SCHIP1: variants seen among roughly 807,000 people sequenced by gnomAD.
SCHIP1 encodes schwannomin interacting protein 1.
In SCHIP1, 8 loss-of-function variants were observed where a neutral mutation model predicts 29.7. The observed-to-expected ratio is 0.27, with a 90% CI of 0.16 to 0.49. SCHIP1 has a LOEUF of 0.49. Among genes scored for constraint, SCHIP1 ranks in the 20% least tolerant of loss-of-function variants. The pLI is 0.99. For missense variants in SCHIP1, 193 were observed against 294.6 expected (o/e 0.66, Z 2.52); for synonymous variants, 76 against 94.9 (o/e 0.80, Z 1.16).
chr3:159,694,604 G>T, the SCHIP1 span, among the ~76,000 whole-genome samples: 11 of 134,702 alleles, frequency 8.2e-5, no homozygotes, highest in South Asian at 7.1e-4. Flanking sequence ...AAGAAAGAAA[G>T]AAAGGAATTA....
the SCHIP1 span, among the ~76,000 whole-genome samples, chr3:159,787,488 G>A: frequency 9.2e-5 from 14 of 152,312 alleles, no homozygotes; most frequent in Non-Finnish European, 1.6e-4. Flanking sequence ...CTTAGTGAGC[G>A]GAATGGATTC....
chr3:159,398,026 G>A, the SCHIP1 span, among the ~76,000 whole-genome samples: 1 of 152,176 alleles, frequency 6.6e-6, no homozygotes, highest in African/African-American at 2.4e-5. Context: ...ATAATCTCCT[G>A]GTGTGCTGTT....
chr3:159,877,875 T>C (rs1255547451), intron 2 of SCHIP1, among the ~76,000 whole-genome samples: 1 of 152,186 alleles, frequency 6.6e-6, no homozygotes, highest in East Asian at 1.9e-4. Context: ...ATCAATTACG[T>C]TAGAGTCTGT....
At chr3:159,621,302 T>C in the SCHIP1 span, among the ~76,000 whole-genome samples, 1 of 152,200 alleles carries the variant, frequency 6.6e-6, no homozygotes, top group Non-Finnish European at 1.5e-5. Flanking sequence ...GTAAGTACCA[T>C]AATGGGAGGA....
At chr3:159,376,721 G>T in the SCHIP1 span, among the ~76,000 whole-genome samples, 2 of 152,104 alleles carry the variant, frequency 1.3e-5, no homozygotes, top group African/African-American at 4.8e-5. Flanking sequence ...TCTCAGGCCT[G>T]TCCTACTCCA....
At chr3:159,292,946 C>T in the SCHIP1 span, among the ~76,000 whole-genome samples, 1 of 152,024 alleles carries the variant, frequency 6.6e-6, no homozygotes, top group African/African-American at 2.4e-5. Context: ...TATAGCTACC[C>T]CCTTGTATTT....
the SCHIP1 span, among the ~76,000 whole-genome samples, chr3:159,516,501 C>T: frequency 6.6e-6 from 1 of 152,102 alleles, no homozygotes; most frequent in Non-Finnish European, 1.5e-5. Flanking sequence ...TTTCTCATGT[C>T]CACTAACTCA....
chr3:159,877,219 G>A (rs1046101305), intron 2 of SCHIP1, among the ~76,000 whole-genome samples: 33 of 152,158 alleles, frequency 2.2e-4, no homozygotes, highest in Admixed American at 9.2e-4. Context: ...GAGTGGTGGC[G>A]GGCGCCTATA....
At chr3:159,700,202 G>T in the SCHIP1 span, among the ~76,000 whole-genome samples, 3 of 152,146 alleles carry the variant, frequency 2.0e-5, no homozygotes, top group South Asian at 4.1e-4. Context: ...TCCACATAAT[G>T]ATCGGTTTGC....
At chr3:159,404,955 T>A in the SCHIP1 span, among the ~76,000 whole-genome samples, 5 of 152,188 alleles carry the variant, frequency 3.3e-5, no homozygotes, top group African/African-American at 1.2e-4. Context: ...AACACTCTAC[T>A]TTTTTGGGAG....
chr3:159,280,908 C>T, the SCHIP1 span, among the ~76,000 whole-genome samples: 1 of 152,272 alleles, frequency 6.6e-6, no homozygotes, highest in African/African-American at 2.4e-5. Context: ...TGCAAACCCA[C>T]ATTTTCTACT....
upstream of SCHIP1, among the ~76,000 whole-genome samples, chr3:159,836,115 C>G (rs1743641955): frequency 6.6e-6 from 1 of 152,174 alleles, no homozygotes; most frequent in Admixed American, 6.5e-5. Flanking sequence ...TTCTCCAAGT[C>G]TGGTGGGTCC....
At chr3:159,439,398 G>A in the SCHIP1 span, among the ~76,000 whole-genome samples, 107 of 152,156 alleles carry the variant, frequency 7.0e-4, no homozygotes, top group African/African-American at 2.5e-3. Flanking sequence ...CCAAGTGAAG[G>A]GTGGAAGACC....
the SCHIP1 span, among the ~76,000 whole-genome samples, chr3:159,466,547 T>C: frequency 2.0e-5 from 3 of 152,278 alleles, no homozygotes; most frequent in South Asian, 6.2e-4. Flanking sequence ...GTTTTGATGA[T>C]GTATTGCTAC....
the SCHIP1 span, among the ~76,000 whole-genome samples, chr3:159,673,643 G>T: frequency 6.6e-6 from 1 of 152,258 alleles, no homozygotes; most frequent in South Asian, 2.1e-4. Context: ...AATCCTTCTA[G>T]GTCCCCTGAA....
chr3:159,406,694 TAGAC>T, the SCHIP1 span, among the ~76,000 whole-genome samples: 8 of 152,106 alleles, frequency 5.3e-5, no homozygotes, highest in African/African-American at 1.7e-4. Flanking sequence ...TTTCAAGACA[TAGAC>T]AGTATGATAA....
the SCHIP1 span, among the ~76,000 whole-genome samples, chr3:159,770,734 C>T: frequency 1.3e-5 from 2 of 152,296 alleles, no homozygotes; most frequent in Middle Eastern, 3.4e-3. Flanking sequence ...TTTCCCATTG[C>T]TCTATTCCAT....
chr3:159,855,894 CA>C (rs1713294217), intron 1 of SCHIP1, among the ~76,000 whole-genome samples: 2 of 152,090 alleles, frequency 1.3e-5, no homozygotes, highest in South Asian at 2.1e-4. Flanking sequence ...TCCACCGAAG[CA>C]AAGGAAGAAA....
At chr3:159,629,629 G>A in the SCHIP1 span, among the ~76,000 whole-genome samples, 1 of 152,178 alleles carries the variant, frequency 6.6e-6, no homozygotes, top group Non-Finnish European at 1.5e-5. Flanking sequence ...GCCTCCCTGA[G>A]CCTCTGCATC....
Sources: allele counts gnomAD v4.1 joint callset (sites outside exome capture counted in the v4.1 genomes callset), GRCh38; gene constraint gnomAD v4.1.1; transcripts MANE v1.5; gene names NCBI Gene and HGNC (gene_info 2026-07-23, HGNC 2026-07-21).